The following NCKAP1 variants were observed in gnomAD, a reference collection of about 807,000 sequenced individuals.
The protein encoded by NCKAP1 is NCK associated protein 1.
A neutral mutation model predicts 151.2 loss-of-function variants in NCKAP1; 21 were observed. The ratio of observed to expected loss-of-function variants is 0.14; its 90% CI spans 0.10 to 0.20. The LOEUF (loss-of-function observed/expected upper bound fraction) is 0.20. Ranked by LOEUF, NCKAP1 falls within the 10% of genes least tolerant of loss-of-function variation. NCKAP1 has a pLI of 1.00. For synonymous variants in NCKAP1, 484 were observed against 451.8 expected (o/e 1.07, Z -0.90); for missense variants, 933 against 1,352.1 (o/e 0.69, Z 4.86).
intron 7 of NCKAP1, 130 bp from the exon 8 acceptor site, chr2:182,995,017 T>C: frequency 1.4e-6 from 1 of 702,144 alleles, no homozygotes; most frequent in South Asian, 1.9e-5. Context: ...CACAACAAAT[T>C]TGAAGAGCTG....
rs1697253537 is a variant in NCKAP1, at chr2:182,953,156, C to T, written c.2329G>A (p.Asp777Asn). 1.9e-6 allele frequency: 3 copies of T among 1,613,492 alleles called. No individual in the cohort carries two copies. The highest frequency in any genetic ancestry group is 2.5e-6 in the Non-Finnish European group (3 of 1,179,594). ...NVLLQQTQHL[D>N]SHGEPTITSL... ...GTAATGGTTGGCTCTCCATGACTGT[C>T]TAAATGTTGTGTTTGTTGAAGAAGC... Residue 777 changes from aspartate (D) to asparagine (N), a missense_variant, in exon 21 of 31, where the codon GAC (aspartate) becomes AAC (asparagine). Around this residue, in one of 2 missense-constraint regions of NCKAP1, gnomAD observed 326 missense variants for 557.1 expected, o/e 0.59. Coordinates refer to ENST00000361354, the MANE Select transcript of NCKAP1 (RefSeq NM_013436.5).
chr2:183,021,391 G>C (rs1438321836), intron 2 of NCKAP1, among the ~76,000 whole-genome samples: 1 of 152,116 alleles, frequency 6.6e-6, no homozygotes, highest in African/African-American at 2.4e-5. Context: ...CTCAAGCCCA[G>C]GAGTTTGAGA....
intron 2 of NCKAP1, among the ~76,000 whole-genome samples, chr2:183,004,001 T>C (rs1440573459): frequency 3.3e-5 from 5 of 152,298 alleles, no homozygotes; most frequent in Non-Finnish European, 7.4e-5. Flanking sequence ...AAATCAACTA[T>C]TGATATAATT....
chr2:183,031,717 A>AT (rs1439863446), intron 1 of NCKAP1, among the ~76,000 whole-genome samples: 1 of 152,194 alleles, frequency 6.6e-6, no homozygotes, highest in East Asian at 1.9e-4. Flanking sequence ...CACTCATTTA[A>AT]TTCTCCTCTT....
At chr2:183,030,805 A>G (rs1698991314) in intron 1 of NCKAP1, among the ~76,000 whole-genome samples, 1 of 152,226 alleles carries the variant, frequency 6.6e-6, no homozygotes, top group African/African-American at 2.4e-5. Context: ...AAATAATGAA[A>G]ATATTACAGT....
chr2:182,959,407 T>A (rs911051739), intron 18 of NCKAP1, among the ~76,000 whole-genome samples: 2 of 152,158 alleles, frequency 1.3e-5, no homozygotes, highest in Admixed American at 1.3e-4. Flanking sequence ...CCGGGCTTCA[T>A]CCCTGGGATG....
At position 182,916,503 on chromosome 2, in the gene NCKAP1, C is replaced by T. The variant is rs1559065166; in HGVS notation, c.*9199G>A. ...AGGAGTCAGAGATAAATAATAATTA[C>T]ATTATGATTCAATATGTACTATAAT... On this transcript the variant is annotated 3_prime_UTR_variant, in exon 31 of 31. Coordinates refer to ENST00000361354, the MANE Select transcript of NCKAP1 (RefSeq NM_013436.5). 6.6e-6 allele frequency: 1 copy of T among 152,140 alleles called. No individual in the cohort carries two copies. The highest frequency in any genetic ancestry group is 1.5e-5 in the Non-Finnish European group (1 of 68,016). 9.4% of individuals were successfully genotyped at this position (152,140 alleles called of 1,614,324 possible).
chr2:183,001,211 T>C (rs1420246864), intron 6 of NCKAP1, among the ~76,000 whole-genome samples: 1 of 152,220 alleles, frequency 6.6e-6, no homozygotes, highest in African/African-American at 2.4e-5. Context: ...TTGCCACTAT[T>C]GTTACCAAAT....
chr2:183,006,835 C>T (rs1400507432), intron 2 of NCKAP1, among the ~76,000 whole-genome samples: 1 of 152,092 alleles, frequency 6.6e-6, no homozygotes, highest in African/African-American at 2.4e-5. Context: ...AAAAGTACTA[C>T]TGTGAGAAAA....
Position 182,936,990 on chromosome 2 carries a change from T to C in NCKAP1, c.2696-1615A>G, listed in dbSNP as rs549394214. 2.0e-5 allele frequency among the ~76,000 whole-genome samples: 3 copies of C among 151,662 alleles called. 1 individual carries two copies. The highest frequency in any genetic ancestry group is 7.3e-5 in the African/African-American group (3 of 41,372). On this transcript the variant is annotated intron_variant, in intron 24 of 30. Transcript: ENST00000361354. ...ATTAGCCAAGCCTGGTGGCACGTGC[T>C]TGTAGTCCCAGCTACTCGGGAGACT...
In NCKAP1 at chr2:182,921,415, C is replaced by G. The variant is rs1421163167; in HGVS notation, c.*4287G>C. Reference sequence around the variant, plus strand: ...TATGTAGTGTACTATGAATGTGACTCAGCCATATACTACAACTGAGACAAG... The same window carrying G: ...TATGTAGTGTACTATGAATGTGACTGAGCCATATACTACAACTGAGACAAG... On this transcript the variant is annotated 3_prime_UTR_variant, in exon 31 of 31. Coordinates refer to ENST00000361354, the MANE Select transcript of NCKAP1 (RefSeq NM_013436.5). 1 of 152,122 alleles carries G rather than the reference C, an allele frequency of 6.6e-6. No homozygotes were observed. Among genetic ancestry groups the G allele is most frequent in the African/African-American group, 2.4e-5 (1 of 41,410 alleles). The allele number at this position is 152,122 out of a possible 1,614,324, so 9.4% of individuals were successfully genotyped here.
intron 15 of NCKAP1, among the ~76,000 whole-genome samples, chr2:182,971,992 A>G (rs1309215848): frequency 6.6e-6 from 1 of 152,202 alleles, no homozygotes; most frequent in African/African-American, 2.4e-5. Context: ...ACATGCCAGA[A>G]TATTGGTCTG....
chr2:183,002,200 G>A lies in NCKAP1; in HGVS notation c.439C>T (p.Leu147=). 6.3e-7 allele frequency: 1 copy of A among 1,588,764 alleles called. No homozygotes were observed. The highest frequency in any genetic ancestry group is 8.6e-7 in the Non-Finnish European group (1 of 1,157,262). ...GCCTTCCTTTCTTCAATTCGAGACA[G>A]CAGTATCATTAGTGTTGTATAGGTT... ...IITYTTLMIL[L]SRIEERKAII... The change falls in exon 5 of 31, where the codon CTG becomes TTG. Residue 147 remains leucine, a synonymous_variant. Transcript: ENST00000361354.
Position 182,993,375 on chromosome 2 carries a change from T to C in NCKAP1, c.790+1464A>G, listed in dbSNP as rs1051243201. Reference sequence around the variant, plus strand: ...AGGATATAAAGGGCCAACTCTATTCTCTAAAGGTTAATAAATCAAGAACAA... The same window carrying C: ...AGGATATAAAGGGCCAACTCTATTCCCTAAAGGTTAATAAATCAAGAACAA... On this transcript the variant is annotated intron_variant, in intron 8 of 30. Coordinates refer to ENST00000361354, the MANE Select transcript of NCKAP1 (RefSeq NM_013436.5). 2.0e-5 allele frequency among the ~76,000 whole-genome samples: 3 copies of C among 152,244 alleles called. No individual in the cohort carries two copies. The South Asian group carries it at 6.2e-4, about 32-fold the overall frequency.
intron 15 of NCKAP1, among the ~76,000 whole-genome samples, chr2:182,968,704 A>G (rs939398290): frequency 2.0e-5 from 3 of 152,232 alleles, no homozygotes; most frequent in Non-Finnish European, 2.9e-5. Context: ...TAATGCATAT[A>G]TGCTGATGCC....
At chr2:183,030,577 A>T (rs1005932691) in intron 1 of NCKAP1, among the ~76,000 whole-genome samples, 4 of 152,180 alleles carry the variant, frequency 2.6e-5, no homozygotes, top group African/African-American at 4.8e-5. Flanking sequence ...TGAGGAGAAA[A>T]ATACAAAATG....
chr2:182,982,626 A>G (rs984702408), intron 12 of NCKAP1, among the ~76,000 whole-genome samples, 195 bp downstream of exon 12: 3 of 152,164 alleles, frequency 2.0e-5, no homozygotes, highest in African/African-American at 7.2e-5. Context: ...GCCCAACTGT[A>G]GGCTAATAAA....
chr2:182,969,809 A>C (rs76629050), intron 15 of NCKAP1, among the ~76,000 whole-genome samples: 10,184 of 152,140 alleles, frequency 0.067, 447 homozygotes, highest in Non-Finnish European at 0.1. Context: ...GAAATAAAGA[A>C]AATTCAGACT....
chr2:182,934,532 G>T (rs1243614512), intron 26 of NCKAP1: 2 of 310,956 alleles, frequency 6.4e-6, no homozygotes, highest in Middle Eastern at 8.6e-4. Flanking sequence ...AGTCAATTTT[G>T]CATTGCTATA....
Sources: allele counts gnomAD v4.1 joint callset (sites outside exome capture counted in the v4.1 genomes callset), GRCh38; gene constraint gnomAD v4.1.1; regional missense constraint gnomAD v4.1.1; transcripts MANE v1.5; gene names NCBI Gene and HGNC (gene_info 2026-07-23, HGNC 2026-07-21).